FAM222B: variants seen among roughly 807,000 people sequenced by gnomAD.
The protein encoded by FAM222B is protein FAM222B.
FAM222B carries 12 observed loss-of-function variants against 38.0 expected under a neutral mutation model. The observed-to-expected ratio is 0.32, with a 90% CI of 0.20 to 0.51. FAM222B has a LOEUF of 0.51. FAM222B is among the 20% of genes least tolerant of loss of function. FAM222B has a pLI of 0.97. For missense variants in FAM222B, 716 were observed against 754.2 expected (o/e 0.95, Z 0.59); for synonymous variants, 329 against 317.2 (o/e 1.04, Z -0.40).
At position 28,840,042 on chromosome 17, in the gene FAM222B, G is replaced by A. The variant is rs186972259; in HGVS notation, c.-41+2640C>T. ...TCCTCAGAGTCAGCAAAGCTGAAGT[G>A]TCTATGTCCTTTTAAAAGGAGTCTG... On this transcript the variant is annotated intron_variant, in intron 1 of 2. Coordinates refer to ENST00000581407, the MANE Select transcript of FAM222B (RefSeq NM_001077498.3). 5.2e-4 allele frequency among the ~76,000 whole-genome samples: 79 copies of A among 152,188 alleles called. 1 individual carries two copies. Among genetic ancestry groups the A allele is most frequent in the African/African-American group, 1.8e-3 (75 of 41,532 alleles).
chr17:28,798,658 G>A lies in FAM222B; in HGVS notation c.-40-31951C>T, dbSNP rs531710027. On this transcript the variant is annotated intron_variant, in intron 1 of 2. Transcript: ENST00000581407. ...CACCCCCTTTTTTTTTTTTTGAAAC[G>A]GAGTCTTGCTCTCTCGCCCAAACTG... Among the ~76,000 whole-genome samples the A allele has an allele frequency of 1.1e-3, 163 of 144,998 alleles. 4 individuals are homozygous for A. The South Asian group carries it at 0.029, about 26-fold the overall frequency.
intron 1 of FAM222B, among the ~76,000 whole-genome samples, chr17:28,768,584 C>T (rs2035451994): frequency 6.6e-6 from 1 of 151,886 alleles, no homozygotes; most frequent in South Asian, 2.1e-4. Flanking sequence ...CACCTGTAAT[C>T]CCAGCACTTT....
chr17:28,820,480 G>A (rs2038170031), intron 1 of FAM222B, among the ~76,000 whole-genome samples: 1 of 152,106 alleles, frequency 6.6e-6, no homozygotes, highest in Non-Finnish European at 1.5e-5. Flanking sequence ...TGTTTTTTCA[G>A]TGTCTTTTGT....
chr17:28,763,441 G>T (rs1275567582), intron 2 of FAM222B, among the ~76,000 whole-genome samples: 1 of 152,266 alleles, frequency 6.6e-6, no homozygotes, highest in African/African-American at 2.4e-5. Context: ...CAGCCTGAGA[G>T]TTAAATGTAA....
chr17:28,766,607 T>C lies in FAM222B; in HGVS notation c.61A>G (p.Met21Val). Residue 21 changes from methionine (M) to valine (V), a missense_variant, in exon 2 of 3, where the codon ATG (methionine) becomes GTG (valine). Physicochemically the swap from Met to Val is conservative, Grantham distance 21. Coordinates refer to ENST00000581407, the MANE Select transcript of FAM222B (RefSeq NM_001077498.3). ...LSFQLLSHTQ[M>V]NTGLQKWDTT... ...TTACATTTCTGAAGTCCAGTGTTCA[T>C]CTGCGTGTGAGAAAGAAGCTGAAAG... The C allele has an allele frequency of 6.2e-7, 1 of 1,604,352 alleles. No homozygotes were observed.
At chr17:28,797,531 A>G (rs1052704243) in intron 1 of FAM222B, among the ~76,000 whole-genome samples, 2 of 152,202 alleles carry the variant, frequency 1.3e-5, no homozygotes, top group Non-Finnish European at 2.9e-5. Flanking sequence ...AATTATGGAA[A>G]AGGGTTTTTT....
intron 1 of FAM222B, among the ~76,000 whole-genome samples, chr17:28,850,800 G>C (rs1445996414): frequency 6.6e-6 from 1 of 152,068 alleles, no homozygotes; most frequent in Non-Finnish European, 1.5e-5. Context: ...TTTTGAACAG[G>C]TTCTTTCTAT....
At position 28,759,055 on chromosome 17, in the gene FAM222B, G is replaced by A; in HGVS notation, c.904C>T (p.Leu302=). Residue 302 remains leucine (L), a synonymous_variant, in exon 3 of 3, where the codon CTG becomes TTG. Coordinates refer to ENST00000581407, the MANE Select transcript of FAM222B (RefSeq NM_001077498.3). The surrounding 1 kb of genome is among the most constrained non-coding windows in gnomAD (Gnocchi z 4.8). ...IANPSPISRS[L]LINASTRVST... is the part of the protein sequence containing the mutation. ...ACCCGGGTGCTTGCATTGATGAGCA[G>A]ACTGCGACTAATGGGGCTGGGGTTG... The A allele has an allele frequency of 1.2e-6, 2 of 1,612,682 alleles. No homozygotes were observed. The highest frequency in any genetic ancestry group is 1.7e-6 in the Non-Finnish European group (2 of 1,179,364).
chr17:28,820,785 C>T (rs1293478856), intron 1 of FAM222B, among the ~76,000 whole-genome samples: 2 of 152,010 alleles, frequency 1.3e-5, no homozygotes, highest in African/African-American at 2.4e-5. Context: ...AGGCGCCTGC[C>T]ACCACGCCCA....
intron 1 of FAM222B, among the ~76,000 whole-genome samples, chr17:28,815,377 C>A (rs565646222): frequency 3.3e-5 from 5 of 152,230 alleles, no homozygotes; most frequent in African/African-American, 1.2e-4. Context: ...CCAAGCCCAG[C>A]TAATTTTTTG....
chr17:28,828,096 T>TA (rs1491105390), intron 1 of FAM222B, among the ~76,000 whole-genome samples: 2 of 47,468 alleles, frequency 4.2e-5, no homozygotes, highest in East Asian at 9.1e-4. Flanking sequence ...TCAAATCCAA[T>TA]TTTTTTTTTT....
intron 1 of FAM222B, among the ~76,000 whole-genome samples, chr17:28,803,667 G>C (rs1378678078): frequency 6.6e-6 from 1 of 151,966 alleles, no homozygotes; most frequent in Non-Finnish European, 1.5e-5. Flanking sequence ...TATACTATGG[G>C]GTCAGAAGAC....
intron 1 of FAM222B, among the ~76,000 whole-genome samples, chr17:28,803,718 G>A (rs551483787): frequency 2.6e-4 from 39 of 152,188 alleles, no homozygotes; most frequent in Non-Finnish European, 4.9e-4. Flanking sequence ...GGTGGCTCAC[G>A]CCTGTAATCC....
chr17:28,823,254 AC>A (rs1455018231), intron 1 of FAM222B, among the ~76,000 whole-genome samples: 12 of 151,996 alleles, frequency 7.9e-5, no homozygotes, highest in African/African-American at 2.9e-4. Context: ...ACTCCAATGA[AC>A]GGTTCTACTG....
intron 1 of FAM222B, among the ~76,000 whole-genome samples, chr17:28,823,526 G>C (rs1461651342): frequency 6.6e-6 from 1 of 152,008 alleles, no homozygotes; most frequent in Non-Finnish European, 1.5e-5. Flanking sequence ...ACTGCCATAG[G>C]CATGTGCCAC....
rs546730591 is a variant in FAM222B, at chr17:28,825,419, G to A, written c.-41+17263C>T. On this transcript the variant is annotated intron_variant, in intron 1 of 2. Coordinates refer to ENST00000581407, the MANE Select transcript of FAM222B (RefSeq NM_001077498.3). Reference sequence around the variant, plus strand: ...ACTGCACTCCAACCTAGGTGACAGAGTGAGATCCCGTCTCAAAAAAAAAAA... The same window carrying A: ...ACTGCACTCCAACCTAGGTGACAGAATGAGATCCCGTCTCAAAAAAAAAAA... 1.1e-3 allele frequency among the ~76,000 whole-genome samples: 158 copies of A among 138,102 alleles called. 2 individuals carry two copies. Among genetic ancestry groups the A allele is most frequent in the African/African-American group, 4.1e-3 (155 of 37,642 alleles). 90.6% of individuals were successfully genotyped at this position (138,102 alleles called of 152,430 possible).
At chr17:28,810,437 CTCTGTTTTATATACTAGCTAACTT>C (rs2037701759) in intron 1 of FAM222B, among the ~76,000 whole-genome samples, 3 of 151,752 alleles carry the variant, frequency 2.0e-5, no homozygotes, top group East Asian at 1.9e-4. Context: ...TACTAGCTAA[CTCTGTTTTATATACTAGCTAACTT>C]TGTTTTATAT....
chr17:28,787,699 A>T (rs937839000), intron 1 of FAM222B, among the ~76,000 whole-genome samples: 1 of 152,216 alleles, frequency 6.6e-6, no homozygotes, highest in Non-Finnish European at 1.5e-5. Flanking sequence ...ACAGATATAC[A>T]GTCCCTGTTA....
intron 1 of FAM222B, among the ~76,000 whole-genome samples, chr17:28,778,708 TATATATA>T (rs1158194069): frequency 1.1e-3 from 87 of 82,760 alleles, no homozygotes; most frequent in Non-Finnish European, 1.7e-3. Flanking sequence ...TATATATATA[TATATATA>T]TATATTTTTT....
Sources: allele counts gnomAD v4.1 joint callset (sites outside exome capture counted in the v4.1 genomes callset), GRCh38; gene constraint gnomAD v4.1.1; non-coding constraint Gnocchi (gnomAD v3.1); transcripts MANE v1.5; gene names NCBI Gene and HGNC (gene_info 2026-07-23, HGNC 2026-07-21).